Variants in GPC3 observed in about 807,000 individuals in gnomAD.
The protein encoded by GPC3 is glypican 3, also known as glypican-3.
Under a neutral mutation model 34.4 loss-of-function variants are expected in GPC3, and 3 were observed. The ratio of observed to expected loss-of-function variants is 0.09; its 90% CI spans 0.04 to 0.23. GPC3 has a LOEUF of 0.23. Among genes scored for constraint, GPC3 ranks in the 10% least tolerant of loss-of-function variants. The pLI, the probability that GPC3 is intolerant of heterozygous loss-of-function variation, is 1.00. For synonymous variants in GPC3, 177 were observed against 174.0 expected, an observed-to-expected ratio of 1.02 and a Z score of -0.13; for missense variants, 351 against 445.6, an observed-to-expected ratio of 0.79 and a Z score of 1.91.
intron 6 of GPC3, among the ~76,000 whole-genome samples, chrX:133,611,722 C>G (rs1458500632): frequency 8.9e-6 from 1 of 111,898 alleles, no homozygotes; most frequent in Non-Finnish European, 1.9e-5. Flanking sequence ...AAATATGTTG[C>G]TGCCCCAGAG....
intron 5 of GPC3, among the ~76,000 whole-genome samples, chrX:133,686,627 A>G (rs2071005291): frequency 9.0e-6 from 1 of 111,145 alleles, no homozygotes; most frequent in Non-Finnish European, 1.9e-5. Flanking sequence ...GTGCCCATTA[A>G]TGTACAACAA....
At chrX:133,542,199 G>A (rs958612982) in intron 7 of GPC3, among the ~76,000 whole-genome samples, 1 of 111,929 alleles carries the variant, frequency 8.9e-6, no homozygotes, top group African/African-American at 3.3e-5. Flanking sequence ...TTTAATCTTG[G>A]ATGAGAGATC....
chrX:133,803,546 A>T (rs1453496824), intron 2 of GPC3, among the ~76,000 whole-genome samples: 1 of 111,864 alleles, frequency 8.9e-6, no homozygotes, highest in Non-Finnish European at 1.9e-5. Context: ...AAGGAATGGC[A>T]CCCTGTTCTT....
intron 1 of GPC3, among the ~76,000 whole-genome samples, chrX:133,958,726 A>AAC (rs1556360758): frequency 9.7e-6 from 1 of 103,584 alleles, no homozygotes; most frequent in African/African-American, 3.5e-5. Context: ...AAAAAAAACA[A>AAC]AAAAAAAAAA....
At chrX:133,771,166 GC>G (rs1417953595) in intron 2 of GPC3, among the ~76,000 whole-genome samples, 1 of 112,264 alleles carries the variant, frequency 8.9e-6, no homozygotes, top group Non-Finnish European at 1.9e-5. Flanking sequence ...TTAAAATAAT[GC>G]TTGGAGTAAT....
rs1174232524 is a variant in GPC3 at position 133,830,678 on chromosome X, CAAAAAAAAAAAAA to C, written c.338-76515_338-76503del. ...GGGCAACAAAAGCGAGACTCCATCTCAAAAAAAAAAAAAAAAAAAAAAAAAAAACATACAATTT... is the reference window on the plus strand; with the variant it reads ...GGGCAACAAAAGCGAGACTCCATCTCAAAAAAAAAAAAAAACATACAATTT... On this transcript the variant is annotated intron_variant, in intron 2 of 7. Transcript: ENST00000370818. 8.2e-4 allele frequency among the ~76,000 whole-genome samples: 11 copies of C among 13,439 alleles called. No individual in the cohort carries two copies. In the East Asian group the frequency reaches 0.02, roughly 25 times the overall value. 11.7% of individuals were successfully genotyped at this position (13,439 alleles called of 115,157 possible).
chrX:133,648,226 A>G (rs1330958747), intron 6 of GPC3, among the ~76,000 whole-genome samples: 1 of 109,394 alleles, frequency 9.1e-6, no homozygotes, highest in Non-Finnish European at 1.9e-5. Context: ...ATGAAGCCCA[A>G]TGCAAATTTG....
At chrX:133,619,672 CA>C (rs1249603113) in intron 6 of GPC3, among the ~76,000 whole-genome samples, 2 of 110,697 alleles carry the variant, frequency 1.8e-5, no homozygotes, top group Non-Finnish European at 3.8e-5. Flanking sequence ...TGCCAGGGGT[CA>C]GGGGTAAGGG....
At chrX:133,797,737 G>C (rs1375146530) in intron 2 of GPC3, among the ~76,000 whole-genome samples, 2 of 110,572 alleles carry the variant, frequency 1.8e-5, no homozygotes, top group Non-Finnish European at 3.8e-5. Context: ...GGCTGAGGCA[G>C]AAGAATCGCT....
chrX:133,865,037 C>T (rs1173747307), intron 2 of GPC3, among the ~76,000 whole-genome samples: 1 of 111,004 alleles, frequency 9.0e-6, no homozygotes, highest in Non-Finnish European at 1.9e-5. Flanking sequence ...ATATTGTTCT[C>T]TTTTTTTTTA....
At chrX:133,906,496 CA>C (rs1470338708) in intron 2 of GPC3, among the ~76,000 whole-genome samples, 1 of 112,378 alleles carries the variant, frequency 8.9e-6, no homozygotes, top group African/African-American at 3.2e-5. Flanking sequence ...TGCATTTTCA[CA>C]GTCAACAGAG....
At chrX:133,743,138 A>C (rs2071579011) in intron 3 of GPC3, among the ~76,000 whole-genome samples, 1 of 113,023 alleles carries the variant, frequency 8.8e-6, no homozygotes, top group African/African-American at 3.2e-5. Flanking sequence ...GTAAACTGTA[A>C]GACCTAGAAC....
intron 7 of GPC3, among the ~76,000 whole-genome samples, chrX:133,537,002 A>G (rs2069298860): frequency 8.9e-6 from 1 of 112,133 alleles, no homozygotes; most frequent in African/African-American, 3.2e-5. Flanking sequence ...AGGAGAGGCT[A>G]ATGGGCAAGA....
chrX:133,689,844 A>G (rs1408660867), intron 5 of GPC3, among the ~76,000 whole-genome samples: 4 of 112,266 alleles, frequency 3.6e-5, no homozygotes, highest in Non-Finnish European at 7.5e-5. Context: ...CGCTAAAGTA[A>G]CATAACACTG....
At position 133,728,802 on chromosome X, in the gene GPC3, T is replaced by A. The variant is rs377296918; in HGVS notation, c.1032+24680A>T. 2.7e-5 allele frequency among the ~76,000 whole-genome samples: 3 copies of A among 112,515 alleles called. No individual in the cohort carries two copies. The East Asian group carries it at 8.3e-4, about 31-fold the overall frequency. On this transcript the variant is annotated intron_variant, in intron 3 of 7. Transcript: ENST00000370818. ...GGGCAATATGCTGAAAAGCTGTGCA[T>A]TAGCTTTTCCACCAGTGACTTCACA... is the stretch of plus-strand genomic sequence containing the variant.
At chrX:133,903,552 G>A (rs2076155161) in intron 2 of GPC3, among the ~76,000 whole-genome samples, 1 of 112,395 alleles carries the variant, frequency 8.9e-6, no homozygotes, top group Non-Finnish European at 1.9e-5. Flanking sequence ...CCGTGCCACT[G>A]CACTCCAGCC....
intron 3 of GPC3, among the ~76,000 whole-genome samples, chrX:133,710,644 T>C (rs918459231): frequency 8.9e-6 from 1 of 112,016 alleles, no homozygotes. Flanking sequence ...ATCTGGAATA[T>C]CCTCTTCTGT....
intron 2 of GPC3, among the ~76,000 whole-genome samples, chrX:133,863,006 C>T (rs1211312354): frequency 8.9e-6 from 1 of 112,948 alleles, no homozygotes; most frequent in Non-Finnish European, 1.9e-5. Flanking sequence ...CTGGGAAGGC[C>T]AAGAGATACA....
chrX:133,637,258 A>G (rs949893434), intron 6 of GPC3, among the ~76,000 whole-genome samples: 2 of 110,354 alleles, frequency 1.8e-5, no homozygotes, highest in African/African-American at 6.6e-5. Flanking sequence ...ACTTCAGGTC[A>G]GGAGTTTGGT....
Sources: gnomAD v4.1 joint callset for allele counts (sites outside exome capture counted in the v4.1 genomes callset) on GRCh38, gnomAD v4.1.1 for gene constraint, MANE v1.5 for transcripts, NCBI Gene and HGNC (gene_info 2026-07-23, HGNC 2026-07-21) for gene names.